AP2A1: variants seen among roughly 807,000 people sequenced by gnomAD.
AP2A1 encodes AP-2 complex subunit alpha-1.
AP2A1 carries 21 observed loss-of-function variants against 107.3 expected under a neutral mutation model. The observed-to-expected ratio is 0.20, with a 90% CI of 0.14 to 0.28. The LOEUF (loss-of-function observed/expected upper bound fraction) is 0.28, where lower values mean the gene tolerates loss of function less well. AP2A1 is among the 10% of genes least tolerant of loss of function. The probability of loss-of-function intolerance (pLI) is 1.00; values close to 1 mark genes in which losing one functional copy is unlikely to be tolerated. For synonymous variants in AP2A1, 602 were observed against 564.8 expected (o/e 1.07, Z -0.93); for missense variants, 873 against 1,307.7 (o/e 0.67, Z 5.13).
At position 49,801,038 on chromosome 19, in the gene AP2A1, T is replaced by G. The variant is rs1362224795; in HGVS notation, c.1533T>G (p.Ile511Met). ...GYILGEFGNLIAGDPRSSPPV... is the reference protein window; with the variant it reads ...GYILGEFGNLMAGDPRSSPPV... ...TCCTTGGGGAGTTTGGGAACCTGATTGCTGGGGACCCCCGCTCCAGGTGAG... is the reference window on the plus strand; with the variant it reads ...TCCTTGGGGAGTTTGGGAACCTGATGGCTGGGGACCCCCGCTCCAGGTGAG... Residue 511 changes from isoleucine (I) to methionine (M), a missense_variant, in exon 12 of 23, where the codon ATT becomes ATG. By Grantham distance (10) the Ile-to-Met change is conservative. This residue lies in a region of AP2A1 where 213 missense variants were observed against 443.5 expected (regional missense o/e 0.48). Transcript: ENST00000354293. The G allele has an allele frequency of 6.2e-7, 1 of 1,607,062 alleles. No individual in the cohort carries two copies. Among genetic ancestry groups the G allele is most frequent in the African/African-American group, 1.3e-5 (1 of 74,938 alleles).
intron 7 of AP2A1, among the ~76,000 whole-genome samples, chr19:49,798,353 A>G (rs992775445): frequency 2.0e-4 from 31 of 151,996 alleles, no homozygotes; most frequent in African/African-American, 7.2e-4. Context: ...TGCTGAATGG[A>G]CACTTGGGTG....
chr19:49,798,996 AAG>A lies in AP2A1; in HGVS notation c.965+47_965+48del, dbSNP rs757965100. The A allele has an allele frequency of 3.7e-5, 57 of 1,550,394 alleles. No individual in the cohort carries two copies. In the Admixed American group the frequency reaches 8.6e-4, roughly 24 times the overall value. ...CAGGGCCTGATGCCTGGGGCCAGGAAAGAGGGGCATGGAGGCCCGGACTCCTG... is the reference window on the plus strand; with the variant it reads ...CAGGGCCTGATGCCTGGGGCCAGGAAAGGGGCATGGAGGCCCGGACTCCTG... On this transcript the variant is annotated intron_variant, in intron 8 of 22. Coordinates refer to ENST00000354293, the MANE Select transcript of AP2A1 (RefSeq NM_130787.3).
At chr19:49,798,344 G>C (rs1181311686) in intron 7 of AP2A1, among the ~76,000 whole-genome samples, 2 of 152,178 alleles carry the variant, frequency 1.3e-5, no homozygotes, top group Middle Eastern at 3.2e-3. Flanking sequence ...GTGGCCTCTT[G>C]CTGAATGGAC....
intron 1 of AP2A1, among the ~76,000 whole-genome samples, chr19:49,778,614 G>A (rs1442126710): frequency 6.6e-6 from 1 of 151,914 alleles, no homozygotes; most frequent in Non-Finnish European, 1.5e-5. Flanking sequence ...GCACAGCATG[G>A]GACTGTCCTG....
chr19:49,775,457 G>GGT (rs2084608254), intron 1 of AP2A1, among the ~76,000 whole-genome samples: 1 of 152,086 alleles, frequency 6.6e-6, no homozygotes, highest in African/African-American at 2.4e-5. Flanking sequence ...TGGGACTACA[G>GGT]GTGTGCACCA....
In AP2A1 at chr19:49,788,240, C is replaced by T. The variant is rs115307900; in HGVS notation, c.474-3695C>T. On this transcript the variant is annotated intron_variant, in intron 4 of 22. Coordinates refer to ENST00000354293, the MANE Select transcript of AP2A1 (RefSeq NM_130787.3). This position sits in a 1 kb window ranked among gnomAD's most constrained non-coding sequence, Gnocchi z 4.5. ...CTGAGATTACAGGCGTGAGCCACCG[C>T]GCCTGACTTGTGGTTTTATTTTTTA... Among the ~76,000 whole-genome samples the T allele has an allele frequency of 4.8e-3, 730 of 152,324 alleles. 5 individuals are homozygous for T. The highest frequency in any genetic ancestry group is 0.017 in the African/African-American group (695 of 41,578).
chr19:49,796,117 A>T (rs2073210915), intron 7 of AP2A1: 2 of 240,006 alleles, frequency 8.3e-6, no homozygotes, highest in South Asian at 5.7e-5. Flanking sequence ...TGCTACCTGA[A>T]TTACCATAGC....
chr19:49,799,608 G>C (rs2073252317), intron 9 of AP2A1, 21 bp from the exon 10 acceptor site: 1 of 1,605,716 alleles, frequency 6.2e-7, no homozygotes, highest in Non-Finnish European at 8.5e-7. Context: ...AACACACCTG[G>C]GCTCTGCTCT....
chr19:49,767,323 A>C, intron 1 of AP2A1, 123 bp downstream of exon 1: 3 of 1,219,268 alleles, frequency 2.5e-6, no homozygotes, highest in South Asian at 2.7e-5. Context: ...GGGACAGCAT[A>C]GATGGGCCCC....
At chr19:49,793,925 TGAGACG>T (rs1183514220) in intron 6 of AP2A1, among the ~76,000 whole-genome samples, 1 of 144,518 alleles carries the variant, frequency 6.9e-6, no homozygotes, top group Non-Finnish European at 1.5e-5. Flanking sequence ...TTTTTTTTTT[TGAGACG>T]GAGTCTCGTT....
intron 22 of AP2A1, 186 bp from the exon 23 acceptor site, chr19:49,806,495 T>A: frequency 1.4e-6 from 2 of 1,444,970 alleles, no homozygotes; most frequent in Non-Finnish European, 1.8e-6. Flanking sequence ...TTTCCACCTT[T>A]CTCTCATCTT....
chr19:49,795,193 C>G (rs1156944769), intron 6 of AP2A1, among the ~76,000 whole-genome samples: 2 of 152,266 alleles, frequency 1.3e-5, no homozygotes, highest in South Asian at 2.1e-4. Context: ...AGGAGGGGGC[C>G]CTGGGAAACT....
chr19:49,795,602 C>CCCACCA, intron 6 of AP2A1, 28 bp from the exon 7 acceptor site: 1 of 1,236,850 alleles, frequency 8.1e-7, no homozygotes, highest in Non-Finnish European at 1.2e-6. Context: ...CCCCAGCCCC[C>CCCACCA]AACTTATTTC....
At position 49,782,135 on chromosome 19, in the gene AP2A1, C is replaced by T. The variant is rs370953683; in HGVS notation, c.279+46C>T. The T allele has an allele frequency of 1.2e-3, 248 of 204,884 alleles. No homozygotes were observed. In the African/African-American group the frequency reaches 0.021, roughly 17 times the overall value. The allele number at this position is 204,884 out of a possible 1,614,324, so 12.7% of individuals were successfully genotyped here. On this transcript the variant is annotated intron_variant, in intron 3 of 22. Coordinates refer to ENST00000354293, the MANE Select transcript of AP2A1 (RefSeq NM_130787.3). ...GCCAGGGCCTGGACTCCTGGGTCTG[C>T]GGGGGAGGGGGCTGGAGGTCTGGAC...
intron 4 of AP2A1, among the ~76,000 whole-genome samples, chr19:49,783,251 G>A (rs547947654): frequency 6.6e-6 from 1 of 152,286 alleles, no homozygotes; most frequent in East Asian, 1.9e-4. Flanking sequence ...CATTTGGGGA[G>A]GCTGAGGCAG....
chr19:49,768,484 C>G (rs1297380362), intron 1 of AP2A1, among the ~76,000 whole-genome samples: 1 of 152,168 alleles, frequency 6.6e-6, no homozygotes, highest in Non-Finnish European at 1.5e-5. Context: ...GCCCCTCAGG[C>G]CTTTCACTCG....
Position 49,796,150 on chromosome 19 carries a change from G to A in AP2A1, c.814+412G>A, listed in dbSNP as rs2073211320. On this transcript the variant is annotated intron_variant, in intron 7 of 22. Coordinates refer to ENST00000354293, the MANE Select transcript of AP2A1 (RefSeq NM_130787.3). The stretch of plus-strand genomic sequence containing the variant: ...AGCCCTGTCAGGGGTTTTCACATCT[G>A]TTGGGAACCTTCCCCTACTGCTCAC... 5.8e-5 allele frequency: 12 copies of A among 207,168 alleles called. No homozygotes were observed. In the South Asian group the frequency reaches 9.5e-4, roughly 16 times the overall value. 12.8% of individuals were successfully genotyped at this position (207,168 alleles called of 1,614,324 possible).
At chr19:49,771,701 G>A (rs965031869) in intron 1 of AP2A1, among the ~76,000 whole-genome samples, 4 of 152,026 alleles carry the variant, frequency 2.6e-5, no homozygotes, top group African/African-American at 9.7e-5. Flanking sequence ...GAGCCACCGC[G>A]CCTGGCCGTA....
chr19:49,787,708 A>C (rs1055492215), intron 4 of AP2A1, among the ~76,000 whole-genome samples: 1 of 152,012 alleles, frequency 6.6e-6, no homozygotes, highest in African/African-American at 2.4e-5. Flanking sequence ...GATGCTGTGC[A>C]ACAACCACTA....
Sources: allele counts gnomAD v4.1 joint callset (sites outside exome capture counted in the v4.1 genomes callset), GRCh38; gene constraint gnomAD v4.1.1; regional missense constraint gnomAD v4.1.1; non-coding constraint Gnocchi (gnomAD v3.1); transcripts MANE v1.5; gene names NCBI Gene and HGNC (gene_info 2026-07-23, HGNC 2026-07-21).